The following GAB2 variants were observed in gnomAD, a reference collection of about 807,000 sequenced individuals.
GAB2 encodes GRB2 associated binding protein 2, also known as GRB2-associated-binding protein 2.
In GAB2, 26 loss-of-function variants were observed where a neutral mutation model predicts 65.5. The ratio of observed to expected loss-of-function variants is 0.40; its 90% CI spans 0.29 to 0.55. The LOEUF is 0.55. Ranked by LOEUF, GAB2 falls within the 20% of genes least tolerant of loss-of-function variation. GAB2 has a pLI of 0.53. For missense variants in GAB2, 884 were observed against 875.8 expected (o/e 1.01, Z -0.12); for synonymous variants, 321 against 329.6 (o/e 0.97, Z 0.28).
At chr11:78,254,201 G>A (rs893055672) in intron 2 of GAB2, among the ~76,000 whole-genome samples, 3 of 152,152 alleles carry the variant, frequency 2.0e-5, no homozygotes, top group Admixed American at 6.5e-5. Context: ...AGAAAATCTT[G>A]AATGTCATAG....
At chr11:78,272,097 C>A (rs1866028787) in intron 2 of GAB2, among the ~76,000 whole-genome samples, 1 of 152,234 alleles carries the variant, frequency 6.6e-6, no homozygotes. Flanking sequence ...TTATGTCTCT[C>A]TCTCTTTTAT....
intron 1 of GAB2, among the ~76,000 whole-genome samples, chr11:78,315,261 C>T (rs577267044): frequency 3.9e-5 from 6 of 152,278 alleles, no homozygotes; most frequent in East Asian, 1.9e-4. Flanking sequence ...CTCTTCTTCT[C>T]GCATTATTTC....
intron 1 of GAB2, among the ~76,000 whole-genome samples, chr11:78,299,349 C>T (rs1866928743): frequency 6.6e-6 from 1 of 152,182 alleles, no homozygotes. Context: ...ACTTCAATTT[C>T]TGACATTTTA....
chr11:78,359,274 A>C (rs1856401868), intron 1 of GAB2, among the ~76,000 whole-genome samples: 3 of 152,226 alleles, frequency 2.0e-5, no homozygotes, highest in Admixed American at 2.0e-4. Flanking sequence ...AGCAGGATAA[A>C]TAGAAACCAC....
In GAB2 at chr11:78,405,148, G is replaced by GA. The variant is rs1458048026; in HGVS notation, c.75+12497dup. Among the ~76,000 whole-genome samples the GA allele has an allele frequency of 7.6e-4, 107 of 141,704 alleles. 1 individual carries two copies. Among genetic ancestry groups the GA allele is most frequent in the African/African-American group, 2.7e-3 (101 of 37,876 alleles). 93.0% of individuals were successfully genotyped at this position (141,704 alleles called of 152,430 possible). ...GAGTCTAGCTCTGTCGCCCAGGCTGGAATGCAGTGGCGCAATCTCGGCTCA... is the reference window on the plus strand; with the variant it reads ...GAGTCTAGCTCTGTCGCCCAGGCTGGAAATGCAGTGGCGCAATCTCGGCTCA... On this transcript the variant is annotated intron_variant, in intron 1 of 9. Coordinates refer to ENST00000361507, the MANE Select transcript of GAB2 (RefSeq NM_080491.3).
chr11:78,320,345 G>T (rs1185374139), intron 1 of GAB2, among the ~76,000 whole-genome samples: 1 of 152,096 alleles, frequency 6.6e-6, no homozygotes, highest in Non-Finnish European at 1.5e-5. Context: ...TAAGAAACAG[G>T]TAATTATGAT....
chr11:78,354,195 T>C (rs1035249996), intron 1 of GAB2, among the ~76,000 whole-genome samples: 7 of 152,234 alleles, frequency 4.6e-5, no homozygotes, highest in Non-Finnish European at 1.0e-4. Flanking sequence ...GTCTACTGTG[T>C]TCCAGAGACC....
chr11:78,323,262 C>T (rs1855760511), intron 1 of GAB2, among the ~76,000 whole-genome samples: 1 of 152,164 alleles, frequency 6.6e-6, no homozygotes, highest in South Asian at 2.1e-4. Flanking sequence ...GTAATCCCTG[C>T]ACTTTGGGAG....
At chr11:78,290,151 A>G (rs770366573) in intron 1 of GAB2, among the ~76,000 whole-genome samples, 26 of 152,194 alleles carry the variant, frequency 1.7e-4, no homozygotes, top group Admixed American at 1.4e-3. Flanking sequence ...AGCTGTTGCG[A>G]TAGTCTGCAA....
chr11:78,250,916 A>C (rs1865436853), intron 2 of GAB2, among the ~76,000 whole-genome samples: 1 of 152,196 alleles, frequency 6.6e-6, no homozygotes, highest in African/African-American at 2.4e-5. Flanking sequence ...GCACATGGAC[A>C]TAAAGACGGA....
intron 1 of GAB2, among the ~76,000 whole-genome samples, chr11:78,369,654 T>C (rs1264558057): frequency 6.6e-6 from 1 of 152,220 alleles, no homozygotes; most frequent in African/African-American, 2.4e-5. Context: ...ATATCTTACA[T>C]ACCAACAAGT....
At chr11:78,364,600 G>A (rs766397034) in intron 1 of GAB2, among the ~76,000 whole-genome samples, 1 of 152,120 alleles carries the variant, frequency 6.6e-6, no homozygotes, top group Non-Finnish European at 1.5e-5. Flanking sequence ...CTTATTGCTT[G>A]CAGTGGTTAT....
At chr11:78,412,292 A>G (rs969238294) in intron 1 of GAB2, among the ~76,000 whole-genome samples, 2 of 152,232 alleles carry the variant, frequency 1.3e-5, no homozygotes, top group Admixed American at 1.3e-4. Context: ...TGGTTAAATA[A>G]ACAGACTGTG....
chr11:78,298,127 G>A (rs915846615), intron 1 of GAB2, among the ~76,000 whole-genome samples: 3 of 152,182 alleles, frequency 2.0e-5, no homozygotes, highest in African/African-American at 7.2e-5. Flanking sequence ...AAGAGCATGA[G>A]TAGGAAGCCC....
chr11:78,336,236 C>A (rs1487068570), intron 1 of GAB2, among the ~76,000 whole-genome samples: 1 of 139,688 alleles, frequency 7.2e-6, no homozygotes, highest in Non-Finnish European at 1.5e-5. Flanking sequence ...ATTGTTTGAA[C>A]CTGGGAGGTG....
At chr11:78,362,855 G>A (rs895710572) in intron 1 of GAB2, among the ~76,000 whole-genome samples, 1 of 152,060 alleles carries the variant, frequency 6.6e-6, no homozygotes, top group Non-Finnish European at 1.5e-5. Flanking sequence ...AAGATATTAA[G>A]GTAAAAAGGC....
chr11:78,369,876 G>A (rs955124184), intron 1 of GAB2, among the ~76,000 whole-genome samples: 1 of 152,148 alleles, frequency 6.6e-6, no homozygotes, highest in South Asian at 2.1e-4. Flanking sequence ...GGCATCTGGC[G>A]TGGGGTTTTT....
At chr11:78,376,565 A>G (rs1053672625) in intron 1 of GAB2, among the ~76,000 whole-genome samples, 7 of 152,226 alleles carry the variant, frequency 4.6e-5, no homozygotes, top group African/African-American at 1.7e-4. Flanking sequence ...TGTGTTCAGT[A>G]TATGTGAAAC....
chr11:78,411,163 G>GT (rs1319089905), intron 1 of GAB2, among the ~76,000 whole-genome samples: 1 of 151,098 alleles, frequency 6.6e-6, no homozygotes, highest in Admixed American at 6.6e-5. Flanking sequence ...GGTGGTTGGG[G>GT]GGGGGGATGG....
Sources: gnomAD v4.1 joint callset for allele counts (sites outside exome capture counted in the v4.1 genomes callset) on GRCh38, gnomAD v4.1.1 for gene constraint, MANE v1.5 for transcripts, NCBI Gene and HGNC (gene_info 2026-07-23, HGNC 2026-07-21) for gene names.